The following CCDC57 variants were observed in gnomAD, a reference collection of about 807,000 sequenced individuals.
CCDC57 encodes the protein coiled-coil domain-containing protein 57.
Under a neutral mutation model 118.9 loss-of-function variants are expected in CCDC57, and 118 were observed. The observed-to-expected ratio is 0.99, with a 90% CI of 0.86 to 1.16. CCDC57 has a LOEUF of 1.16. CCDC57 is among the 50% of genes most tolerant of loss of function. CCDC57 has a pLI of 0.00. For synonymous variants in CCDC57, 527 were observed against 532.9 expected (o/e 0.99, Z 0.15); for missense variants, 1,300 against 1,320.7 (o/e 0.98, Z 0.24).
chr17:82,193,111 T>C (rs1379811919), intron 7 of CCDC57, among the ~76,000 whole-genome samples: 1 of 151,962 alleles, frequency 6.6e-6, no homozygotes, highest in East Asian at 1.9e-4. Context: ...CAGGCTGGAG[T>C]ACAGTGGCAC....
chr17:82,130,499 C>CTTT lies in CCDC57; in HGVS notation c.2578-1905_2578-1903dup, dbSNP rs35413191. Among the ~76,000 whole-genome samples, 93 of 88,916 alleles carry CTTT rather than the reference C, an allele frequency of 1.0e-3. 4 individuals carry two copies. The highest frequency in any genetic ancestry group is 2.3e-3 in the African/African-American group (50 of 22,022). 58.3% of individuals were successfully genotyped at this position (88,916 alleles called of 152,430 possible). A position where few individuals can be genotyped will look rare whatever the true frequency, so the allele number is the denominator to read the frequency against. On this transcript the variant is annotated intron_variant, in intron 17 of 19. Coordinates refer to ENST00000665763, the Ensembl canonical transcript of CCDC57. The stretch of plus-strand genomic sequence containing the variant: ...CGTGAGCCACCACACCCAGACAAAA[C>CTTT]TTTTTTTTTTTTTTTTTTTTTGAGA...
intron 16 of CCDC57, among the ~76,000 whole-genome samples, chr17:82,143,688 G>A (rs1259879142): frequency 6.6e-6 from 1 of 152,090 alleles, no homozygotes; most frequent in African/African-American, 2.4e-5. Context: ...CTAAAATTTG[G>A]TCCTAAAATT....
intron 16 of CCDC57, chr17:82,145,845 T>C (rs1219092189): frequency 1.5e-5 from 7 of 462,310 alleles, no homozygotes; most frequent in Admixed American, 4.8e-5. Flanking sequence ...GGGCCCACCA[T>C]GTCACCTGCT....
intron 11 of CCDC57, 121 bp downstream of exon 10, chr17:82,178,353 C>T (rs1324377535): frequency 1.6e-5 from 19 of 1,175,856 alleles, no homozygotes; most frequent in Non-Finnish European, 2.2e-5. Context: ...TGCAACAGGT[C>T]ATTTAAAAAG....
chr17:82,199,694 C>T (rs1017352726), intron 3 of CCDC57, among the ~76,000 whole-genome samples: 3 of 152,178 alleles, frequency 2.0e-5, no homozygotes, highest in Non-Finnish European at 4.4e-5. Context: ...AAGCACTGCA[C>T]GCACCTGCAC....
intron 19 of CCDC57, among the ~76,000 whole-genome samples, chr17:82,102,174 G>T (rs1004054154): frequency 6.6e-6 from 1 of 152,180 alleles, no homozygotes; most frequent in East Asian, 1.9e-4. Flanking sequence ...GGTCCCAGGA[G>T]GGGGCAGGGG....
intron 19 of CCDC57, among the ~76,000 whole-genome samples, chr17:82,103,829 AGGGAG>A (rs1330539110): frequency 4.6e-5 from 3 of 65,210 alleles, no homozygotes; most frequent in Non-Finnish European, 1.0e-4. Context: ...TCCCCGGGGC[AGGGAG>A]GGGCAGGGAG....
chr17:82,173,259 G>A (rs185772811), intron 11 of CCDC57, among the ~76,000 whole-genome samples: 1 of 152,244 alleles, frequency 6.6e-6, no homozygotes, highest in Non-Finnish European at 1.5e-5. Context: ...GCTGAACTGT[G>A]TGCACCAAAA....
In CCDC57 at chr17:82,184,024, C is replaced by CGCGT. The variant is rs1555746330; in HGVS notation, c.1053-93_1053-92insACGC. 107 of 453,918 alleles carry CGCGT rather than the reference C, an allele frequency of 2.4e-4. 3 individuals carry two copies. The highest frequency in any genetic ancestry group is 1.4e-3 in the South Asian group (63 of 45,290). 28.1% of individuals were successfully genotyped at this position (453,918 alleles called of 1,614,324 possible). A position where few individuals can be genotyped will look rare whatever the true frequency, so the allele number is the denominator to read the frequency against. ...CCCCCAGCAAATACACATGCGCGCG[C>CGCGT]GCGCGCGCACACACACACACACACA... On this transcript the variant is annotated intron_variant, in intron 8 of 19. Transcript: ENST00000665763.
At chr17:82,177,048 C>G (rs2045608544) in intron 11 of CCDC57, among the ~76,000 whole-genome samples, 1 of 151,912 alleles carries the variant, frequency 6.6e-6, no homozygotes, top group African/African-American at 2.4e-5. Flanking sequence ...GAGTTCAAGA[C>G]CAGCCTGACC....
chr17:82,115,242 C>A (rs1411608200), intron 19 of CCDC57, among the ~76,000 whole-genome samples: 1 of 148,588 alleles, frequency 6.7e-6, no homozygotes, highest in Admixed American at 6.8e-5. Context: ...CCAGCGGAGG[C>A]TCCACCAGCA....
At chr17:82,126,933 G>C (rs2037518781) in intron 19 of CCDC57, 1 of 985,246 alleles carries the variant, frequency 1.0e-6, no homozygotes, top group Non-Finnish European at 1.2e-6. Context: ...ACACAGGAAG[G>C]ACGCACGCTC....
chr17:82,137,949 GGTGTGAGC>G (rs2145495494), intron 16 of CCDC57, among the ~76,000 whole-genome samples: 1 of 151,808 alleles, frequency 6.6e-6, no homozygotes, highest in African/African-American at 2.4e-5. Flanking sequence ...TGGGATTACA[GGTGTGAGC>G]CACTGTGCCC....
chr17:82,164,809 C>A (rs1198111945), intron 13 of CCDC57, among the ~76,000 whole-genome samples: 1 of 152,004 alleles, frequency 6.6e-6, no homozygotes, highest in African/African-American at 2.4e-5. Flanking sequence ...AACTCCAGGC[C>A]CAGCTGGTTT....
At chr17:82,127,707 C>T in exon 19 of CCDC57, 1 of 1,606,508 alleles carries the variant, frequency 6.2e-7, no homozygotes, top group South Asian at 1.1e-5. Flanking sequence ...GTTGAGTCAC[C>T]CTGGGAGGTG....
chr17:82,151,523 C>T, intron 16 of CCDC57, 37 bp downstream of exon 15: 1 of 1,542,522 alleles, frequency 6.5e-7, no homozygotes, highest in Non-Finnish European at 8.8e-7. Context: ...AGAACCTGAC[C>T]CACACTCAGG....
At chr17:82,136,287 G>A (rs1327516110) in intron 16 of CCDC57, among the ~76,000 whole-genome samples, 3 of 152,198 alleles carry the variant, frequency 2.0e-5, no homozygotes, top group East Asian at 1.9e-4. Flanking sequence ...GCCCCAGCAC[G>A]AGGGACCCTC....
At chr17:82,130,658 A>ATGC (rs1207666175) in intron 17 of CCDC57, among the ~76,000 whole-genome samples, 1 of 149,764 alleles carries the variant, frequency 6.7e-6, no homozygotes, top group African/African-American at 2.5e-5. Context: ...GCCTGCCACC[A>ATGC]CAACTGGCTA....
chr17:82,110,566 C>T (rs1478953331), intron 19 of CCDC57, among the ~76,000 whole-genome samples: 1 of 152,172 alleles, frequency 6.6e-6, no homozygotes, highest in Non-Finnish European at 1.5e-5. Context: ...GGCAAACAGA[C>T]CATGCCTAGA....
Sources: allele counts gnomAD v4.1 joint callset (sites outside exome capture counted in the v4.1 genomes callset), GRCh38; gene constraint gnomAD v4.1.1; transcripts MANE v1.5; gene names NCBI Gene and HGNC (gene_info 2026-07-23, HGNC 2026-07-21).